STRIP2: variants seen among roughly 807,000 people sequenced by gnomAD.
The protein encoded by STRIP2 is striatin-interacting protein 2.
Under a neutral mutation model 107.1 loss-of-function variants are expected in STRIP2, and 84 were observed. That is an observed-to-expected ratio of 0.78 (90% CI 0.66 to 0.94). The LOEUF (loss-of-function observed/expected upper bound fraction) is 0.94, where lower values mean the gene tolerates loss of function less well. Among genes scored for constraint, STRIP2 ranks in the 40% least tolerant of loss-of-function variants. The pLI is 0.00. For missense variants in STRIP2, 888 were observed against 1,034.2 expected (o/e 0.86, Z 1.94); for synonymous variants, 394 against 400.4 (o/e 0.98, Z 0.19).
In STRIP2 at chr7:129,480,741, A is replaced by T. The variant is rs75654720; in HGVS notation, c.1945-44A>T. 2,665 of 1,523,460 alleles carry T rather than the reference A, an allele frequency of 1.7e-3. 52 individuals are homozygous for T. In the African/African-American group the frequency reaches 0.033, roughly 19 times the overall value. The allele number at this position is 1,523,460 out of a possible 1,614,324, so 94.4% of individuals were successfully genotyped here. A position where few individuals can be genotyped will look rare whatever the true frequency, so the allele number is the denominator to read the frequency against. ...ACTTCCAGGCTTCTGTGGGAATTAA[A>T]GCCTTGTAGGTATTAAGATAATGAT... On this transcript the variant is annotated intron_variant, in intron 18 of 20. Coordinates refer to ENST00000249344, the MANE Select transcript of STRIP2 (RefSeq NM_020704.3).
chr7:129,468,346 C>T (rs138797855), intron 17 of STRIP2, among the ~76,000 whole-genome samples: 1 of 152,314 alleles, frequency 6.6e-6, no homozygotes, highest in African/African-American at 2.4e-5. Context: ...GCTTAAAACA[C>T]ACACACACCC....
At chr7:129,485,475 ATTTCTG>A in intron 20 of STRIP2, 98 bp from the exon 21 acceptor site, 1 of 1,277,710 alleles carries the variant, frequency 7.8e-7, no homozygotes, top group Non-Finnish European at 1.1e-6. Flanking sequence ...AAAAAAAAGA[ATTTCTG>A]AGCAGTTCCA....
At chr7:129,463,067 C>T (rs1274587175) in intron 14 of STRIP2, 27 bp downstream of exon 14, 1 of 1,577,010 alleles carries the variant, frequency 6.3e-7, no homozygotes, top group Admixed American at 1.7e-5. Flanking sequence ...GCCAGAGCTG[C>T]CCTTCTCTGC....
At position 129,464,200 on chromosome 7, in the gene STRIP2, C is replaced by G. The variant is rs1798614422; in HGVS notation, c.1649+59C>G. The G allele has an allele frequency of 1.6e-5, 20 of 1,242,718 alleles. No individual in the cohort carries two copies. In the Admixed American group the frequency reaches 3.4e-4, roughly 21 times the overall value. 77.0% of individuals were successfully genotyped at this position (1,242,718 alleles called of 1,614,324 possible). A position where few individuals can be genotyped will look rare whatever the true frequency, so the allele number is the denominator to read the frequency against. On this transcript the variant is annotated intron_variant, in intron 15 of 20. Coordinates refer to ENST00000249344, the MANE Select transcript of STRIP2 (RefSeq NM_020704.3). ...TAGCTGTCTTATCTGCAGGCTCTCT[C>G]TAGTCCCCACTCACCTTGTTAACAC...
intron 3 of STRIP2, among the ~76,000 whole-genome samples, chr7:129,451,212 T>C (rs996325128): frequency 6.6e-6 from 1 of 152,118 alleles, no homozygotes; most frequent in Non-Finnish European, 1.5e-5. Flanking sequence ...GTGCTGGGAT[T>C]ACAGGCGTGA....
chr7:129,448,206 G>A lies in STRIP2; in HGVS notation c.275-3407G>A, dbSNP rs572818958. On this transcript the variant is annotated intron_variant, in intron 3 of 20. Transcript: ENST00000249344. ...TCAGGCCTGAGCTAAAACTTCATTA[G>A]TTACCTGACCTCCATAAGCCCCTAC... Among the ~76,000 whole-genome samples, 3 of 152,248 alleles carry A rather than the reference G, an allele frequency of 2.0e-5. No homozygotes were observed. In the South Asian group the frequency reaches 6.2e-4, roughly 32 times the overall value.
intron 8 of STRIP2, among the ~76,000 whole-genome samples, chr7:129,455,744 G>A (rs544071623): frequency 6.6e-6 from 1 of 152,216 alleles, no homozygotes; most frequent in South Asian, 2.1e-4. Flanking sequence ...GTAAAAGGTT[G>A]GGGTGAGTGC....
At chr7:129,454,744 T>G (rs1798297242) in intron 7 of STRIP2, among the ~76,000 whole-genome samples, 1 of 152,188 alleles carries the variant, frequency 6.6e-6, no homozygotes, top group Non-Finnish European at 1.5e-5. Context: ...ATGTAACTTC[T>G]CTATGCCTTG....
chr7:129,442,288 A>G (rs1044528568), intron 2 of STRIP2, among the ~76,000 whole-genome samples: 1 of 152,194 alleles, frequency 6.6e-6, no homozygotes, highest in Non-Finnish European at 1.5e-5. Flanking sequence ...TAACAAAGGA[A>G]TTTATACAAT....
chr7:129,488,318 A>G lies in STRIP2; in HGVS notation c.*2489A>G, dbSNP rs1280683530. 6.5e-6 allele frequency: 1 copy of G among 152,688 alleles called. No homozygotes were observed. Among genetic ancestry groups the G allele is most frequent in the African/African-American group, 2.4e-5 (1 of 41,466 alleles). 9.5% of individuals were successfully genotyped at this position (152,688 alleles called of 1,614,324 possible). ...GAGGATTTTTATTTGTGAATATTTC[A>G]GTAAAGTTTGTGTTGATTGTTGATA... On this transcript the variant is annotated 3_prime_UTR_variant, in exon 21 of 21. Transcript: ENST00000249344.
In STRIP2 at chr7:129,434,457, GC is replaced by G; in HGVS notation, c.-14del. 1 of 1,499,992 alleles carries G rather than the reference GC, an allele frequency of 6.7e-7. No individual in the cohort carries two copies. Among genetic ancestry groups the G allele is most frequent in the Non-Finnish European group, 8.8e-7 (1 of 1,131,126 alleles). The allele number at this position is 1,499,992 out of a possible 1,614,324, so 92.9% of individuals were successfully genotyped here. ...CAAAGCGAGCTGAACCCTGAGGGGA[GC>G]CGCTGACCAGCAGCATGGAGGACCC... On this transcript the variant is annotated 5_prime_UTR_variant, in exon 1 of 21. Transcript: ENST00000249344.
At position 129,453,328 on chromosome 7, in the gene STRIP2, C is replaced by A. The variant is rs1464178802; in HGVS notation, c.511C>A (p.Leu171Ile). ...GGGGACCTTCTCCACCTTCCTGGAG[C>A]TACTCCACATGGAAATTGAGTGAGA... ...QMGTFSTFLE[L>I]LHMEIDNSQA... The change falls in exon 5 of 21, where the codon CTA becomes ATA. Residue 171 changes from leucine (L) to isoleucine (I), a missense_variant. Leu to Ile is a conservative substitution (Grantham distance 5). Transcript: ENST00000249344. The A allele has an allele frequency of 5.6e-6, 9 of 1,614,016 alleles. No individual in the cohort carries two copies. Among genetic ancestry groups the A allele is most frequent in the East Asian group, 2.2e-5 (1 of 44,890 alleles).
At chr7:129,467,323 C>A in intron 16 of STRIP2, 27 bp from the exon 17 acceptor site, 1 of 1,507,580 alleles carries the variant, frequency 6.6e-7, no homozygotes, top group Admixed American at 1.7e-5. Flanking sequence ...AAATAAGCAG[C>A]CCTTTCTGCT....
chr7:129,468,599 G>A lies in STRIP2; in HGVS notation c.1877+1149G>A, dbSNP rs565031847. Among the ~76,000 whole-genome samples, 13 of 152,198 alleles carry A rather than the reference G, an allele frequency of 8.5e-5. No individual in the cohort carries two copies. In the East Asian group the frequency reaches 1.5e-3, roughly 18 times the overall value. ...GAGGATGGGTTTTTCCTAACAATAC[G>A]GAGACCTGTGCACTGGCCCCTTTAA... On this transcript the variant is annotated intron_variant, in intron 17 of 20. Transcript: ENST00000249344.
intron 8 of STRIP2, 32 bp from the exon 9 acceptor site, chr7:129,456,407 C>G (rs1300076537): frequency 1.2e-6 from 2 of 1,602,986 alleles, no homozygotes; most frequent in East Asian, 2.2e-5. Flanking sequence ...CTTCCTTCCT[C>G]TCTCTCTGCC....
rs371441882 is a variant in STRIP2 at position 129,443,990 on chromosome 7, C to G, written c.200-34C>G. On this transcript the variant is annotated intron_variant, in intron 2 of 20. Transcript: ENST00000249344. ...CTTTGGGCCTCTTCTTTAAGGATCT[C>G]CCGAATGTGACTGTTCTGTCTTTCC... The G allele has an allele frequency of 2.6e-5, 40 of 1,562,882 alleles. No individual in the cohort carries two copies. The African/African-American group carries it at 5.1e-4, about 20-fold the overall frequency.
intron 18 of STRIP2, chr7:129,478,047 G>A (rs1799018056): frequency 2.6e-6 from 1 of 386,394 alleles, no homozygotes; most frequent in African/African-American, 2.2e-5. Context: ...AAGAATATTG[G>A]AATGGTGGTG....
intron 3 of STRIP2, among the ~76,000 whole-genome samples, chr7:129,449,933 AACC>A (rs1213541822): frequency 6.6e-6 from 1 of 152,210 alleles, no homozygotes; most frequent in Non-Finnish European, 1.5e-5. Context: ...ACTTCGGAGC[AACC>A]AACCAGCTTC....
rs756780001 is a variant in STRIP2, at chr7:129,451,693, G to A, written c.355G>A (p.Val119Ile). Residue 119 changes from valine to isoleucine, a missense_variant, in exon 4 of 21, where the codon GTC becomes ATC. By Grantham distance (29) the Val-to-Ile change is conservative (BLOSUM62 3). Coordinates refer to ENST00000249344, the MANE Select transcript of STRIP2 (RefSeq NM_020704.3). The stretch of plus-strand genomic sequence containing the variant: ...GGGACTCTTGGACCGGCTAGAGGTG[G>A]TCAGTAGGGAACGGCGGCTGAAGGT... The part of the protein sequence containing the change: ...IMGLLDRLEV[V>I]SRERRLKVAR... 2 of 1,614,144 alleles carry A rather than the reference G, an allele frequency of 1.2e-6. No individual in the cohort carries two copies. The highest frequency in any genetic ancestry group is 1.7e-6 in the Non-Finnish European group (2 of 1,180,044).
Sources: allele counts gnomAD v4.1 joint callset (sites outside exome capture counted in the v4.1 genomes callset), GRCh38; gene constraint gnomAD v4.1.1; transcripts MANE v1.5; gene names NCBI Gene and HGNC (gene_info 2026-07-23, HGNC 2026-07-21).